Variants in RALGAPA1 observed in about 807,000 individuals in gnomAD.
RALGAPA1 encodes ral GTPase-activating protein subunit alpha-1.
RALGAPA1 carries 52 observed loss-of-function variants against 269.6 expected under a neutral mutation model. The ratio of observed to expected loss-of-function variants is 0.19; its 90% CI spans 0.15 to 0.24. RALGAPA1 has a LOEUF of 0.24. Ranked by LOEUF, RALGAPA1 falls within the 10% of genes least tolerant of loss-of-function variation. The pLI, the probability that RALGAPA1 is intolerant of heterozygous loss-of-function variation, is 1.00. For synonymous variants in RALGAPA1, 817 were observed against 1,008.3 expected, an observed-to-expected ratio of 0.81 and a Z score of 3.60; for missense variants, 1,917 against 3,013.9, an observed-to-expected ratio of 0.64 and a Z score of 8.52.
intron 27 of RALGAPA1, among the ~76,000 whole-genome samples, chr14:35,660,641 T>C (rs2063481226): frequency 6.6e-6 from 1 of 152,094 alleles, no homozygotes. Flanking sequence ...GAGATAAGTG[T>C]ACTCCTATGT....
At chr14:35,616,099 G>C (rs1343330610) in intron 35 of RALGAPA1, among the ~76,000 whole-genome samples, 1 of 152,002 alleles carries the variant, frequency 6.6e-6, no homozygotes, top group African/African-American at 2.4e-5. Context: ...AAGAAGAATG[G>C]ACATCATGAT....
chr14:35,567,091 G>A (rs2056776160), intron 39 of RALGAPA1, among the ~76,000 whole-genome samples: 1 of 151,794 alleles, frequency 6.6e-6, no homozygotes, highest in African/African-American at 2.4e-5. Context: ...TGATCTACCT[G>A]ATTTAATGTA....
intron 4 of RALGAPA1, chr14:35,767,228 G>A (rs1251515078): frequency 6.0e-6 from 1 of 167,828 alleles, no homozygotes; most frequent in African/African-American, 2.4e-5. Context: ...GTTCTTCAAT[G>A]ATCACATAAT....
intron 1 of RALGAPA1, among the ~76,000 whole-genome samples, chr14:35,777,797 C>T (rs1015424422): frequency 1.3e-5 from 2 of 152,038 alleles, no homozygotes; most frequent in African/African-American, 4.8e-5. Flanking sequence ...GATCCGCCCG[C>T]CTCAGTCTCC....
At chr14:35,607,946 G>A (rs952770335) in intron 35 of RALGAPA1, among the ~76,000 whole-genome samples, 5 of 152,086 alleles carry the variant, frequency 3.3e-5, no homozygotes, top group African/African-American at 7.2e-5. Flanking sequence ...GATGTAGGAC[G>A]GACAGACATG....
intron 39 of RALGAPA1, among the ~76,000 whole-genome samples, chr14:35,565,882 T>C (rs2056656070): frequency 6.6e-6 from 1 of 152,124 alleles, no homozygotes; most frequent in African/African-American, 2.4e-5. Flanking sequence ...ATTTAAGGAA[T>C]AGAATCATGA....
At chr14:35,779,066 G>A (rs368558021) in intron 1 of RALGAPA1, among the ~76,000 whole-genome samples, 1 of 152,096 alleles carries the variant, frequency 6.6e-6, no homozygotes, top group Non-Finnish European at 1.5e-5. Context: ...TGTAAAAAAA[G>A]AATACTAAAT....
chr14:35,620,370 T>C (rs937746038), intron 35 of RALGAPA1, among the ~76,000 whole-genome samples: 3 of 151,998 alleles, frequency 2.0e-5, no homozygotes, highest in Non-Finnish European at 2.9e-5. Flanking sequence ...TCAAAATAAC[T>C]AGAGCTATTT....
intron 39 of RALGAPA1, among the ~76,000 whole-genome samples, chr14:35,563,863 G>C (rs545244692): frequency 3.9e-5 from 6 of 152,210 alleles, no homozygotes; most frequent in African/African-American, 1.4e-4. Flanking sequence ...CCAGGCTGGA[G>C]TGCAATGGTA....
chr14:35,580,935 G>A (rs551920302), intron 37 of RALGAPA1, among the ~76,000 whole-genome samples: 14 of 152,118 alleles, frequency 9.2e-5, no homozygotes, highest in African/African-American at 2.2e-4. Flanking sequence ...ACTTCAACCC[G>A]TGCTCATTAA....
intron 35 of RALGAPA1, among the ~76,000 whole-genome samples, chr14:35,619,914 C>T (rs143880818): frequency 9.2e-5 from 14 of 152,244 alleles, no homozygotes; most frequent in South Asian, 2.1e-4. Flanking sequence ...CAGGACCAGA[C>T]GGATTCACAG....
chr14:35,598,265 G>C (rs2059043921), intron 36 of RALGAPA1, among the ~76,000 whole-genome samples: 2 of 151,932 alleles, frequency 1.3e-5, no homozygotes, highest in South Asian at 4.1e-4. Flanking sequence ...ATTATATAAT[G>C]TCCTTCTGGT....
At chr14:35,639,229 A>T (rs1566894636) in intron 31 of RALGAPA1, among the ~76,000 whole-genome samples, 1 of 152,242 alleles carries the variant, frequency 6.6e-6, no homozygotes, top group Admixed American at 6.5e-5. Flanking sequence ...CAAGAGGATA[A>T]AACAATTATA....
At chr14:35,609,201 T>G (rs2139264728) in intron 35 of RALGAPA1, among the ~76,000 whole-genome samples, 1 of 148,854 alleles carries the variant, frequency 6.7e-6, no homozygotes, top group Middle Eastern at 3.5e-3. Flanking sequence ...CACTCCAGCC[T>G]AGGCGACAGA....
chr14:35,749,974 A>G (rs189386780), intron 9 of RALGAPA1, among the ~76,000 whole-genome samples: 1 of 152,298 alleles, frequency 6.6e-6, no homozygotes, highest in Admixed American at 6.5e-5. Flanking sequence ...AGTATGAGGG[A>G]AAAAAGTAAA....
At chr14:35,684,322 T>C (rs761024415) in intron 20 of RALGAPA1, among the ~76,000 whole-genome samples, 25 of 152,226 alleles carry the variant, frequency 1.6e-4, no homozygotes, top group Non-Finnish European at 2.9e-4. Context: ...AACTAAGTGG[T>C]AATAATATAG....
chr14:35,801,149 C>T (rs982562299), intron 1 of RALGAPA1, among the ~76,000 whole-genome samples: 4 of 149,530 alleles, frequency 2.7e-5, no homozygotes, highest in African/African-American at 7.4e-5. Context: ...AGCGATAAGA[C>T]TCTAGTCAGG....
chr14:35,582,876 G>C lies in RALGAPA1; in HGVS notation c.7210-10158C>G, dbSNP rs144237970. On this transcript the variant is annotated intron_variant, in intron 37 of 41. Coordinates refer to ENST00000680220, the MANE Select transcript of RALGAPA1 (RefSeq NM_001346249.2). ...GGAAGGTCATACTGTCCCACCTAAG[G>C]GAAGAGACTGAAAAACACTAGTGAA... 3.2e-4 allele frequency among the ~76,000 whole-genome samples: 49 copies of C among 152,194 alleles called. 1 individual carries two copies. Among genetic ancestry groups the C allele is most frequent in the Middle Eastern group, 3.4e-3 (1 of 294 alleles).
rs1480881090 is a variant in RALGAPA1, at chr14:35,688,489, C to T, written c.3922G>A (p.Val1308Ile). ...EAPLRDLYSH[V>I]MGYFGRKAAV... ...GCTTTCCTTCCAAAATAGCCCATTA[C>T]ATGACTGTACAGATCCCTCAGTGGA... The change falls in exon 18 of 42, where the codon GTA (valine) becomes ATA (isoleucine). Residue 1308 changes from valine (V) to isoleucine (I), a missense_variant. Physicochemically the swap from Val to Ile is conservative, Grantham distance 29 (BLOSUM62 3). Around this residue, in one of 11 missense-constraint regions of RALGAPA1, gnomAD observed 615 missense variants for 790.0 expected, o/e 0.78. Coordinates refer to ENST00000680220, the MANE Select transcript of RALGAPA1 (RefSeq NM_001346249.2). 6.5e-7 allele frequency: 1 copy of T among 1,536,156 alleles called. No individual in the cohort carries two copies. Among genetic ancestry groups the T allele is most frequent in the Non-Finnish European group, 8.7e-7 (1 of 1,146,902 alleles).
Sources: gnomAD v4.1 joint callset for allele counts (sites outside exome capture counted in the v4.1 genomes callset) on GRCh38, gnomAD v4.1.1 for gene constraint, gnomAD v4.1.1 regional missense constraint, MANE v1.5 for transcripts, NCBI Gene and HGNC (gene_info 2026-07-23, HGNC 2026-07-21) for gene names.